UNC13C: variants seen among roughly 807,000 people sequenced by gnomAD.
UNC13C encodes protein unc-13 homolog C.
Under a neutral mutation model 245.4 loss-of-function variants are expected in UNC13C, and 174 were observed. That is an observed-to-expected ratio of 0.71 (90% CI 0.63 to 0.80). The LOEUF (loss-of-function observed/expected upper bound fraction) is 0.80, where lower values mean the gene tolerates loss of function less well. Ranked by LOEUF, UNC13C falls within the 30% of genes least tolerant of loss-of-function variation. The pLI is 0.00. For missense variants in UNC13C, 2,829 were observed against 2,602.9 expected, an observed-to-expected ratio of 1.09 and a Z score of -1.89; for synonymous variants, 992 against 895.1, an observed-to-expected ratio of 1.11 and a Z score of -1.93.
At chr15:54,552,522 TATATAATA>T (rs1896817072) in intron 28 of UNC13C, among the ~76,000 whole-genome samples, 1 of 46,962 alleles carries the variant, frequency 2.1e-5, no homozygotes, top group Non-Finnish European at 3.4e-5. Flanking sequence ...TTATATATTA[TATATAATA>T]ATATAATTAT....
At chr15:54,607,847 A>G (rs1422554742) in intron 30 of UNC13C, among the ~76,000 whole-genome samples, 1 of 152,188 alleles carries the variant, frequency 6.6e-6, no homozygotes, top group Non-Finnish European at 1.5e-5. Context: ...CCATGATCCA[A>G]TCACCTCCCA....
At chr15:54,386,264 G>A (rs1052263396) in intron 17 of UNC13C, among the ~76,000 whole-genome samples, 1 of 152,156 alleles carries the variant, frequency 6.6e-6, no homozygotes, top group African/African-American at 2.4e-5. Flanking sequence ...TTTGACTTTA[G>A]TATTTGGAAA....
chr15:54,302,733 A>C (rs1242117341), intron 13 of UNC13C, among the ~76,000 whole-genome samples: 1 of 152,114 alleles, frequency 6.6e-6, no homozygotes, highest in African/African-American at 2.4e-5. Flanking sequence ...CTTTTTGCTT[A>C]GGATTGTCTT....
intron 14 of UNC13C, among the ~76,000 whole-genome samples, chr15:54,331,031 A>T (rs2038422243): frequency 6.6e-6 from 1 of 152,040 alleles, no homozygotes; most frequent in Non-Finnish European, 1.5e-5. Flanking sequence ...TCCTGTTAAT[A>T]TTCAGCTCAC....
intron 30 of UNC13C, among the ~76,000 whole-genome samples, chr15:54,577,513 T>C (rs1898007060): frequency 6.6e-6 from 1 of 152,152 alleles, no homozygotes; most frequent in Non-Finnish European, 1.5e-5. Flanking sequence ...GTTTCCCAAG[T>C]GGTTCAGAGA....
intron 30 of UNC13C, among the ~76,000 whole-genome samples, chr15:54,603,409 T>A (rs1363831243): frequency 2.0e-5 from 3 of 152,204 alleles, no homozygotes; most frequent in Non-Finnish European, 1.5e-5. Flanking sequence ...TGAAAGATGC[T>A]TATCTGGTTG....
intron 30 of UNC13C, among the ~76,000 whole-genome samples, chr15:54,612,818 C>A (rs1900193234): frequency 6.6e-6 from 1 of 151,908 alleles, no homozygotes; most frequent in African/African-American, 2.4e-5. Context: ...CCTTATTAGA[C>A]TTTGAGATAT....
At chr15:54,464,879 C>CTT (rs1002520443) in intron 19 of UNC13C, among the ~76,000 whole-genome samples, 4 of 143,220 alleles carry the variant, frequency 2.8e-5, no homozygotes, top group African/African-American at 1.0e-4. Context: ...TCATGGATTG[C>CTT]TTTTTTTTTT....
intron 4 of UNC13C, among the ~76,000 whole-genome samples, chr15:54,223,238 A>C (rs1036596668): frequency 2.6e-5 from 4 of 152,128 alleles, no homozygotes; most frequent in Non-Finnish European, 5.9e-5. Flanking sequence ...CTTAGATTTA[A>C]GTCTTTAATC....
chr15:53,882,735 T>C, the UNC13C span, among the ~76,000 whole-genome samples: 24 of 152,170 alleles, frequency 1.6e-4, no homozygotes, highest in African/African-American at 5.3e-4. Context: ...CTTGGGTTCT[T>C]GAGTTACGGA....
chr15:54,055,007 A>G (rs1341894050), intron 2 of UNC13C, among the ~76,000 whole-genome samples: 1 of 152,112 alleles, frequency 6.6e-6, no homozygotes, highest in African/African-American at 2.4e-5. Context: ...AAATTGCTTT[A>G]TTTATTCTTC....
chr15:54,300,489 C>A, intron 13 of UNC13C, 116 bp downstream of exon 13: 1 of 1,072,014 alleles, frequency 9.3e-7, no homozygotes, highest in Non-Finnish European at 1.3e-6. Flanking sequence ...GATTATATTT[C>A]ACTGTGCATG....
chr15:54,222,832 T>A (rs1395498202), intron 4 of UNC13C, among the ~76,000 whole-genome samples: 1 of 152,196 alleles, frequency 6.6e-6, no homozygotes, highest in Non-Finnish European at 1.5e-5. Flanking sequence ...TTTGCATTTC[T>A]CTGATAAACA....
intron 2 of UNC13C, among the ~76,000 whole-genome samples, chr15:54,030,005 T>C (rs1896288090): frequency 6.6e-6 from 1 of 152,152 alleles, no homozygotes; most frequent in East Asian, 1.9e-4. Flanking sequence ...GGGAGGGCAA[T>C]TCAGGGCAGC....
chr15:54,202,924 A>C lies in UNC13C; in HGVS notation c.3072-32106A>C, dbSNP rs561366656. ...AATCTTTACAATCAATACATCCGACAAAGGACTAATATCCAGAGTTTACAG... is the reference window on the plus strand; with the variant it reads ...AATCTTTACAATCAATACATCCGACCAAGGACTAATATCCAGAGTTTACAG... On this transcript the variant is annotated intron_variant, in intron 4 of 32. Coordinates refer to ENST00000260323, the MANE Select transcript of UNC13C (RefSeq NM_001080534.3). Among the ~76,000 whole-genome samples, 5 of 152,196 alleles carry C rather than the reference A, an allele frequency of 3.3e-5. No homozygotes were observed. The East Asian group carries it at 7.7e-4, about 24-fold the overall frequency.
chr15:54,462,504 C>T (rs749804482), intron 19 of UNC13C, among the ~76,000 whole-genome samples: 36 of 152,308 alleles, frequency 2.4e-4, no homozygotes, highest in East Asian at 1.6e-3. Context: ...CGCGGGCCAG[C>T]GCCAGTTCTG....
At chr15:54,215,892 T>C (rs8028136) in intron 4 of UNC13C, among the ~76,000 whole-genome samples, 117,441 of 151,920 alleles carry the variant, frequency 0.77, 45,769 homozygotes, top group Middle Eastern at 0.87. Flanking sequence ...GTCCGTTTCA[T>C]GGCTAAATAC....
rs562035007 is a variant in UNC13C at position 54,347,595 on chromosome 15, C to T, written c.4713+9106C>T. 2.0e-5 allele frequency among the ~76,000 whole-genome samples: 3 copies of T among 152,238 alleles called. No individual in the cohort carries two copies. In the South Asian group the frequency reaches 6.2e-4, roughly 32 times the overall value. ...AACAGGAACAAACGAAAGTTCTTGACATTCATGTGATGATTTCTTTTGAAA... is the reference window on the plus strand; with the variant it reads ...AACAGGAACAAACGAAAGTTCTTGATATTCATGTGATGATTTCTTTTGAAA... On this transcript the variant is annotated intron_variant, in intron 17 of 32. Transcript: ENST00000260323.
chr15:54,278,685 A>C (rs994699175), intron 10 of UNC13C, among the ~76,000 whole-genome samples: 2 of 152,124 alleles, frequency 1.3e-5, no homozygotes, highest in Admixed American at 1.3e-4. Flanking sequence ...TATACTTGCA[A>C]AGCACATACT....
Sources: allele counts gnomAD v4.1 joint callset (sites outside exome capture counted in the v4.1 genomes callset), GRCh38; gene constraint gnomAD v4.1.1; transcripts MANE v1.5; gene names NCBI Gene and HGNC (gene_info 2026-07-23, HGNC 2026-07-21).